The following GRID1 variants were observed in gnomAD, a reference collection of about 807,000 sequenced individuals.
GRID1 encodes glutamate receptor ionotropic, delta-1.
Under a neutral mutation model 98.0 loss-of-function variants are expected in GRID1, and 28 were observed. The ratio of observed to expected loss-of-function variants is 0.29; its 90% CI spans 0.21 to 0.39. GRID1 has a LOEUF of 0.39. Ranked by LOEUF, GRID1 falls within the 10% of genes least tolerant of loss-of-function variation. The pLI is 1.00. For synonymous variants in GRID1, 553 were observed against 538.5 expected (o/e 1.03, Z -0.37); for missense variants, 1,111 against 1,340.5 (o/e 0.83, Z 2.67).
chr10:85,759,492 C>G (rs181711976), intron 8 of GRID1, among the ~76,000 whole-genome samples: 21 of 152,330 alleles, frequency 1.4e-4, no homozygotes, highest in South Asian at 4.1e-4. Flanking sequence ...CCAACTCCCT[C>G]TTGGAATATA....
At chr10:85,658,996 A>G (rs1432160543) in intron 12 of GRID1, among the ~76,000 whole-genome samples, 1 of 152,250 alleles carries the variant, frequency 6.6e-6, no homozygotes, top group Non-Finnish European at 1.5e-5. Flanking sequence ...AAGTGCAAAG[A>G]TAATGGAAAA....
Position 85,865,573 on chromosome 10 carries a change from A to T in GRID1, c.951+3437T>A, listed in dbSNP as rs7086865. 2.3e-3 allele frequency among the ~76,000 whole-genome samples: 344 copies of T among 152,228 alleles called. 1 individual carries two copies. Among genetic ancestry groups the T allele is most frequent in the African/African-American group, 8.0e-3 (331 of 41,522 alleles). ...TCCATTTCCAAAAGGATCTTCACTA[A>T]TTTCATCAAGACAAAGTTAATAATC... On this transcript the variant is annotated intron_variant, in intron 6 of 15. Coordinates refer to ENST00000327946, the MANE Select transcript of GRID1 (RefSeq NM_017551.3).
intron 4 of GRID1, among the ~76,000 whole-genome samples, chr10:86,111,088 A>G (rs1844474582): frequency 6.6e-6 from 1 of 152,230 alleles, no homozygotes; most frequent in South Asian, 2.1e-4. Context: ...AGCTCAGCTC[A>G]GTGGCTCCTG....
intron 4 of GRID1, among the ~76,000 whole-genome samples, chr10:86,112,916 G>A (rs1181420110): frequency 2.0e-5 from 3 of 152,068 alleles, no homozygotes; most frequent in South Asian, 2.1e-4. Context: ...AAAATTAGGG[G>A]GGAAAAGATG....
At chr10:86,260,691 C>T (rs1400304814) in intron 2 of GRID1, among the ~76,000 whole-genome samples, 2 of 152,172 alleles carry the variant, frequency 1.3e-5, no homozygotes. Context: ...GGAAAATCCT[C>T]GCCCAGCCCC....
At chr10:85,685,983 G>A (rs951732414) in intron 12 of GRID1, among the ~76,000 whole-genome samples, 4 of 152,002 alleles carry the variant, frequency 2.6e-5, no homozygotes, top group Admixed American at 1.3e-4. Flanking sequence ...CTATGTTCAT[G>A]AATAGAAAAA....
chr10:85,943,358 A>C (rs2131839584), intron 4 of GRID1, among the ~76,000 whole-genome samples: 1 of 152,340 alleles, frequency 6.6e-6, no homozygotes, highest in Non-Finnish European at 1.5e-5. Flanking sequence ...AAACAGATTA[A>C]AGCTCTAAAT....
At chr10:86,357,820 G>A (rs1242822221) in intron 2 of GRID1, among the ~76,000 whole-genome samples, 1 of 152,138 alleles carries the variant, frequency 6.6e-6, no homozygotes, top group Non-Finnish European at 1.5e-5. Context: ...CTCATCCACA[G>A]CTGTTATCAC....
rs139447677 is a variant in GRID1 at position 86,186,613 on chromosome 10, T to C, written c.520+19751A>G. Among the ~76,000 whole-genome samples the C allele has an allele frequency of 2.5e-3, 377 of 152,342 alleles. 2 individuals are homozygous for C. Among genetic ancestry groups the C allele is most frequent in the African/African-American group, 8.7e-3 (363 of 41,584 alleles). On this transcript the variant is annotated intron_variant, in intron 3 of 15. Transcript: ENST00000327946. Reference sequence around the variant, plus strand: ...CCTTAATCAAGTTCAATAGCCTGCCTGAACCTCAGTTTTCCCATCTGGAAA... The same window carrying C: ...CCTTAATCAAGTTCAATAGCCTGCCCGAACCTCAGTTTTCCCATCTGGAAA...
In GRID1 at chr10:85,823,888, G is replaced by A. The variant is rs114159833; in HGVS notation, c.1233+30608C>T. On this transcript the variant is annotated intron_variant, in intron 8 of 15. Coordinates refer to ENST00000327946, the MANE Select transcript of GRID1 (RefSeq NM_017551.3). ...CAGTAAAAATAACCATCATCAATGA[G>A]TGCTGGAAAAAATATATTTTCAAAA... Among the ~76,000 whole-genome samples the A allele has an allele frequency of 5.7e-3, 769 of 134,252 alleles. 9 individuals carry two copies. Among genetic ancestry groups the A allele is most frequent in the African/African-American group, 0.022 (731 of 33,580 alleles). The allele number at this position is 134,252 out of a possible 152,430, so 88.1% of individuals were successfully genotyped here.
chr10:86,179,657 A>G (rs937043361), intron 3 of GRID1, among the ~76,000 whole-genome samples: 12 of 152,114 alleles, frequency 7.9e-5, no homozygotes, highest in African/African-American at 2.9e-4. Flanking sequence ...CCTACCCTCT[A>G]TGGGAACATC....
intron 12 of GRID1, among the ~76,000 whole-genome samples, chr10:85,652,473 TCTTC>T (rs1273389778): frequency 6.6e-6 from 1 of 152,196 alleles, no homozygotes; most frequent in African/African-American, 2.4e-5. Context: ...GTCCTATTAT[TCTTC>T]CTTAAGGAGA....
At chr10:86,010,036 A>G (rs1340356934) in intron 4 of GRID1, among the ~76,000 whole-genome samples, 3 of 141,824 alleles carry the variant, frequency 2.1e-5, no homozygotes, top group Non-Finnish European at 3.2e-5. Flanking sequence ...GATCCAGGGC[A>G]AAAATAGCCA....
intron 8 of GRID1, among the ~76,000 whole-genome samples, chr10:85,742,149 A>G (rs918146389): frequency 2.0e-5 from 3 of 152,228 alleles, no homozygotes; most frequent in Non-Finnish European, 4.4e-5. Context: ...TCCACTAAAC[A>G]TCTGACACAC....
intron 2 of GRID1, among the ~76,000 whole-genome samples, chr10:86,241,924 T>C (rs1005901801): frequency 5.3e-5 from 8 of 152,232 alleles, no homozygotes; most frequent in African/African-American, 1.4e-4. Context: ...CCAATGCCTA[T>C]GCTGGGTCCC....
At chr10:85,993,031 G>T (rs963793967) in intron 4 of GRID1, among the ~76,000 whole-genome samples, 1 of 152,162 alleles carries the variant, frequency 6.6e-6, no homozygotes, top group Non-Finnish European at 1.5e-5. Context: ...GAAATGGTTT[G>T]CAGGAGATAA....
intron 12 of GRID1, among the ~76,000 whole-genome samples, chr10:85,692,208 C>A (rs2132611548): frequency 6.6e-6 from 1 of 152,262 alleles, no homozygotes; most frequent in East Asian, 1.9e-4. Flanking sequence ...ATTTACCCAA[C>A]CCTACTATGT....
chr10:85,727,270 A>T (rs924253255), intron 10 of GRID1, among the ~76,000 whole-genome samples: 2 of 152,224 alleles, frequency 1.3e-5, no homozygotes, highest in Admixed American at 1.3e-4. Context: ...AGATGCCACC[A>T]TGATAAATAA....
intron 4 of GRID1, among the ~76,000 whole-genome samples, chr10:86,103,534 T>C (rs972117735): frequency 6.6e-6 from 1 of 152,196 alleles, no homozygotes; most frequent in African/African-American, 2.4e-5. Flanking sequence ...GCGTCAGCCA[T>C]GGGAGCTGGA....
Sources: gnomAD v4.1 joint callset for allele counts (sites outside exome capture counted in the v4.1 genomes callset) on GRCh38, gnomAD v4.1.1 for gene constraint, MANE v1.5 for transcripts, NCBI Gene and HGNC (gene_info 2026-07-23, HGNC 2026-07-21) for gene names.